Variants in ADI1 observed in about 807,000 individuals in gnomAD.
The protein encoded by ADI1 is acireductone dioxygenase 1.
ADI1 carries 21 observed loss-of-function variants against 18.7 expected under a neutral mutation model. The observed-to-expected ratio is 1.13, with a 90% CI of 0.80 to 1.62. ADI1 has a LOEUF of 1.62. ADI1 is among the 40% of genes most tolerant of loss of function. The pLI, the probability that ADI1 is intolerant of heterozygous loss-of-function variation, is 0.00. For missense variants in ADI1, 245 were observed against 254.9 expected, an observed-to-expected ratio of 0.96 and a Z score of 0.26; for synonymous variants, 90 against 100.1, an observed-to-expected ratio of 0.90 and a Z score of 0.60.
chr2:3,519,468 A>C lies in ADI1; in HGVS notation c.20T>G (p.Met7Arg), dbSNP rs1458060038. The change falls in exon 1 of 4, where the codon ATG (methionine) becomes AGG (arginine). Residue 7 changes from methionine (M) to arginine (R), a missense_variant. By Grantham distance (91) the Met-to-Arg change is moderately conservative. Coordinates refer to ENST00000327435, the MANE Select transcript of ADI1 (RefSeq NM_018269.4). Reference protein sequence around the residue: MVQAWYMDDAPGDPRQP... With the variant: MVQAWYRDDAPGDPRQP... ...CCGCGGGTCGCCCGGGGCGTCGTCC[A>C]TATACCAGGCCTGCACCATGACGCG... 2.9e-5 allele frequency: 39 copies of C among 1,354,156 alleles called. No homozygotes were observed. Among genetic ancestry groups the C allele is most frequent in the Non-Finnish European group, 3.7e-5 (39 of 1,056,812 alleles). 83.9% of individuals were successfully genotyped at this position (1,354,156 alleles called of 1,614,324 possible).
intron 1 of ADI1, chr2:3,516,895 G>C: frequency 3.1e-6 from 3 of 980,336 alleles, no homozygotes; most frequent in Non-Finnish European, 3.6e-6. Context: ...TGTTAATATG[G>C]GGTGTGTGTG....
chr2:3,500,782 C>T, intron 3 of ADI1, 32 bp downstream of exon 3: 2 of 1,612,538 alleles, frequency 1.2e-6, no homozygotes, highest in Non-Finnish European at 1.7e-6. Context: ...ACCACACAGG[C>T]CGGGCCTGGG....
At chr2:3,518,466 G>T (rs1667455336) in intron 1 of ADI1, among the ~76,000 whole-genome samples, 1 of 152,204 alleles carries the variant, frequency 6.6e-6, no homozygotes, top group South Asian at 2.1e-4. Context: ...AAATAAACAA[G>T]GTGAGCGGAT....
intron 1 of ADI1, among the ~76,000 whole-genome samples, chr2:3,518,496 G>A (rs1206786215): frequency 6.6e-6 from 1 of 152,250 alleles, no homozygotes; most frequent in Non-Finnish European, 1.5e-5. Flanking sequence ...TGCTGTGCAA[G>A]CAACGGGACA....
chr2:3,518,903 C>G (rs1246419927), intron 1 of ADI1, among the ~76,000 whole-genome samples: 2 of 152,212 alleles, frequency 1.3e-5, no homozygotes, highest in Admixed American at 1.3e-4. Context: ...CGCAGCGAGT[C>G]CCGGCTGCGA....
At chr2:3,500,624 C>A in intron 3 of ADI1, 190 bp downstream of exon 3, 1 of 742,858 alleles carries the variant, frequency 1.3e-6, no homozygotes, top group Non-Finnish European at 2.2e-6. Context: ...CGGAGGCTGC[C>A]ACGGAAGGAC....
intron 2 of ADI1, among the ~76,000 whole-genome samples, chr2:3,503,352 C>T (rs556591848): frequency 2.9e-5 from 4 of 139,898 alleles, no homozygotes; most frequent in African/African-American, 6.1e-5. Context: ...CGTACTCACA[C>T]GCACATTCAC....
intron 2 of ADI1, among the ~76,000 whole-genome samples, chr2:3,503,179 T>G (rs1410586747): frequency 6.7e-6 from 1 of 149,500 alleles, no homozygotes; most frequent in African/African-American, 2.5e-5. Flanking sequence ...ACATTCACAC[T>G]CACATGCACA....
chr2:3,510,125 A>G (rs1401735734), intron 2 of ADI1, among the ~76,000 whole-genome samples: 2 of 150,896 alleles, frequency 1.3e-5, no homozygotes, highest in African/African-American at 2.4e-5. Context: ...CCTGGGCAAC[A>G]AGAGCGGAAC....
chr2:3,500,014 G>A (rs892755571), intron 3 of ADI1, among the ~76,000 whole-genome samples: 26 of 150,278 alleles, frequency 1.7e-4, no homozygotes, highest in Non-Finnish European at 3.2e-4. Context: ...GCATTGAGCC[G>A]AGATCAAGCC....
chr2:3,517,391 C>T (rs1005490866), intron 1 of ADI1: 6 of 152,188 alleles, frequency 3.9e-5, no homozygotes, highest in Non-Finnish European at 7.3e-5. Flanking sequence ...ATTCACAAAT[C>T]AAGAATAAAA....
chr2:3,501,057 C>T (rs1033770389), intron 2 of ADI1, 64 bp from the exon 3 acceptor site: 13 of 1,442,072 alleles, frequency 9.0e-6, no homozygotes, highest in Admixed American at 2.4e-5. Flanking sequence ...CACACCCACC[C>T]ACTCAGCAGC....
intron 2 of ADI1, among the ~76,000 whole-genome samples, chr2:3,504,921 T>C (rs951579337): frequency 1.3e-5 from 2 of 152,158 alleles, no homozygotes; most frequent in African/African-American, 2.4e-5. Context: ...CTGAGTATGT[T>C]TGCATTGTCA....
intron 2 of ADI1, among the ~76,000 whole-genome samples, chr2:3,507,935 G>A (rs944923502): frequency 3.3e-5 from 5 of 151,968 alleles, no homozygotes; most frequent in African/African-American, 1.2e-4. Context: ...AAACTCTGAG[G>A]CAACCACTAA....
At chr2:3,510,826 G>A (rs552081261) in intron 2 of ADI1, among the ~76,000 whole-genome samples, 34 of 152,278 alleles carry the variant, frequency 2.2e-4, no homozygotes, top group African/African-American at 7.9e-4. Flanking sequence ...TACAAGGCCA[G>A]ATGGCTTCAC....
chr2:3,500,871 C>T lies in ADI1; in HGVS notation c.363G>A (p.Lys121=), dbSNP rs776009765. 1.9e-6 allele frequency: 3 copies of T among 1,614,250 alleles called. No individual in the cohort carries two copies. Among genetic ancestry groups the T allele is most frequent in the African/African-American group, 1.3e-5 (1 of 75,066 alleles). ...EDQWIRIFME[K]GDMVTLPAGI... is the part of the protein sequence containing the mutation. Reference sequence around the variant, plus strand: ...CCGCGGGGAGCGTCACCATGTCTCCCTTCTCCATGAAGATCCGGATCCACT... The same window carrying T: ...CCGCGGGGAGCGTCACCATGTCTCCTTTCTCCATGAAGATCCGGATCCACT... The change falls in exon 3 of 4, where the codon AAG becomes AAA. Residue 121 remains lysine, a synonymous_variant. Transcript: ENST00000327435.
chr2:3,499,114 AT>A, intron 3 of ADI1, 32 bp from the exon 4 acceptor site: 1 of 1,596,858 alleles, frequency 6.3e-7, no homozygotes, highest in Non-Finnish European at 8.5e-7. Context: ...CCAGCATCTC[AT>A]TAAACCAGCC....
intron 2 of ADI1, among the ~76,000 whole-genome samples, chr2:3,510,544 T>C (rs1185608122): frequency 1.3e-5 from 2 of 152,190 alleles, no homozygotes; most frequent in African/African-American, 2.4e-5. Flanking sequence ...GATAAGCCTC[T>C]ATCCAGACTC....
rs1050095841 is a variant in ADI1, at chr2:3,514,186, T to C, written c.121-210A>G. ...GCTATACATACAATGGAGTTCTGTTTGATTTCTGCCTCCCTTCTCTGCAAC... is the reference window on the plus strand; with the variant it reads ...GCTATACATACAATGGAGTTCTGTTCGATTTCTGCCTCCCTTCTCTGCAAC... On this transcript the variant is annotated intron_variant, in intron 1 of 3. Coordinates refer to ENST00000327435, the MANE Select transcript of ADI1 (RefSeq NM_018269.4). 3.3e-5 allele frequency among the ~76,000 whole-genome samples: 5 copies of C among 152,244 alleles called. No individual in the cohort carries two copies. In the East Asian group the frequency reaches 9.6e-4, roughly 29 times the overall value.
Sources: allele counts gnomAD v4.1 joint callset (sites outside exome capture counted in the v4.1 genomes callset), GRCh38; gene constraint gnomAD v4.1.1; transcripts MANE v1.5; gene names NCBI Gene and HGNC (gene_info 2026-07-23, HGNC 2026-07-21).